Variants in HNF4A observed in about 807,000 individuals in gnomAD.
HNF4A encodes hepatocyte nuclear factor 4 alpha, also known as hepatocyte nuclear factor 4-alpha.
In HNF4A, 15 loss-of-function variants were observed where a neutral mutation model predicts 52.4. The ratio of observed to expected loss-of-function variants is 0.29; its 90% confidence interval spans 0.19 to 0.44. The LOEUF is 0.44. HNF4A is among the 20% of genes least tolerant of loss of function. The probability of loss-of-function intolerance (pLI) is 1.00; values close to 1 mark genes in which losing one functional copy is unlikely to be tolerated. For synonymous variants in HNF4A, 280 were observed against 264.4 expected, an observed-to-expected ratio of 1.06 and a Z score of -0.57; for missense variants, 479 against 647.2, an observed-to-expected ratio of 0.74 and a Z score of 2.82.
At chr20:44,372,468 C>T (rs1383131783) in intron 1 of HNF4A, among the ~76,000 whole-genome samples, 2 of 152,346 alleles carry the variant, frequency 1.3e-5, no homozygotes, top group Non-Finnish European at 2.9e-5. Flanking sequence ...GAACTCCAGG[C>T]ATGTCTTCTA....
Position 44,430,438 on chromosome 20 carries a change from C to T in HNF4A, c.*773C>T, listed in dbSNP as rs2063864876. On this transcript the variant is annotated 3_prime_UTR_variant, in exon 10 of 10. Transcript: ENST00000316099. ...AACAAACCCAGGTTGGCGACTGCAA[C>T]AGGAACTTGGAGTGGAGAGGAAAAG... is the stretch of plus-strand genomic sequence containing the variant. 1 of 152,458 alleles carries T rather than the reference C, an allele frequency of 6.6e-6. No homozygotes were observed. Among genetic ancestry groups the T allele is most frequent in the Non-Finnish European group, 1.5e-5 (1 of 68,164 alleles). The allele number at this position is 152,458 out of a possible 1,614,324, so 9.4% of individuals were successfully genotyped here. A position where few individuals can be genotyped will look rare whatever the true frequency, so the allele number is the denominator to read the frequency against.
At chr20:44,358,143 CA>C (rs1568684638) in intron 1 of HNF4A, among the ~76,000 whole-genome samples, 1 of 127,908 alleles carries the variant, frequency 7.8e-6, no homozygotes, top group African/African-American at 3.0e-5. Flanking sequence ...AAAAAAAAAA[CA>C]AAACAAAAAA....
intron 9 of HNF4A, among the ~76,000 whole-genome samples, chr20:44,428,871 CT>C (rs1428118793): frequency 4.6e-5 from 7 of 152,200 alleles, no homozygotes; most frequent in African/African-American, 1.7e-4. Context: ...AGGATGTCTG[CT>C]GGGCTAGACC....
At chr20:44,376,105 G>A (rs1370781979) in intron 1 of HNF4A, among the ~76,000 whole-genome samples, 7 of 151,558 alleles carry the variant, frequency 4.6e-5, no homozygotes, top group Non-Finnish European at 2.9e-5. Context: ...AAAATTAGCC[G>A]GGCATGGTAA....
At position 44,419,873 on chromosome 20, in the gene HNF4A, C is replaced by G; in HGVS notation, c.889C>G (p.Pro297Ala). The G allele has an allele frequency of 1.2e-6, 2 of 1,614,012 alleles. No homozygotes were observed. Among genetic ancestry groups the G allele is most frequent in the Non-Finnish European group, 1.7e-6 (2 of 1,179,912 alleles). The change falls in exon 7 of 10, where the codon CCA (proline) becomes GCA (alanine). Residue 297 changes from proline to alanine, a missense_variant. Coordinates refer to ENST00000316099, the MANE Select transcript of HNF4A (RefSeq NM_000457.6). Reference sequence around the variant, plus strand: ...CCTCAAAGCCATCATCTTCTTTGACCCAGGTACAGTGCACACCTCCTAAGC... The same window carrying G: ...CCTCAAAGCCATCATCTTCTTTGACGCAGGTACAGTGCACACCTCCTAAGC...
chr20:44,361,504 G>T (rs900595399), intron 1 of HNF4A, among the ~76,000 whole-genome samples: 1 of 152,054 alleles, frequency 6.6e-6, no homozygotes, highest in Admixed American at 6.6e-5. Flanking sequence ...AACACAGGAG[G>T]ATAAAACTTT....
chr20:44,406,592 T>G (rs891671769), intron 2 of HNF4A, among the ~76,000 whole-genome samples: 2 of 152,340 alleles, frequency 1.3e-5, no homozygotes, highest in African/African-American at 4.8e-5. Flanking sequence ...GTGCTGTTTT[T>G]GGGACAAATA....
intron 1 of HNF4A, among the ~76,000 whole-genome samples, chr20:44,356,872 C>T (rs1228910546): frequency 1.3e-5 from 2 of 152,098 alleles, no homozygotes; most frequent in Non-Finnish European, 2.9e-5. Context: ...CTCTGGAATC[C>T]AGCAGACCTC....
At chr20:44,378,515 AC>A (rs1211522673) in intron 1 of HNF4A, among the ~76,000 whole-genome samples, 1 of 151,906 alleles carries the variant, frequency 6.6e-6, no homozygotes, top group Non-Finnish European at 1.5e-5. Flanking sequence ...TGATCCATCC[AC>A]CTCAGCCTCC....
chr20:44,401,227 A>T, upstream of HNF4A: 3 of 1,529,868 alleles, frequency 2.0e-6, no homozygotes, highest in Non-Finnish European at 2.6e-6. Context: ...AGGCTAGGCC[A>T]AGACTCCCAG....
intron 8 of HNF4A, among the ~76,000 whole-genome samples, chr20:44,425,135 C>T (rs1484852798): frequency 6.6e-6 from 1 of 152,206 alleles, no homozygotes; most frequent in Non-Finnish European, 1.5e-5. Flanking sequence ...GCGCCCGCCA[C>T]CACGCCCTGC....
intron 1 of HNF4A, among the ~76,000 whole-genome samples, chr20:44,368,160 A>ATATATATATAT (rs1200638153): frequency 7.2e-5 from 2 of 27,780 alleles, no homozygotes; most frequent in African/African-American, 2.9e-4. Context: ...ATATATATAT[A>ATATATATATAT]TTTTTTTTTT....
At chr20:44,410,133 C>G (rs190463241) in intron 3 of HNF4A, among the ~76,000 whole-genome samples, 4 of 152,312 alleles carry the variant, frequency 2.6e-5, no homozygotes, top group Admixed American at 2.6e-4. Context: ...GCGCCCGGCC[C>G]CTGGCCCTTT....
At chr20:44,357,079 C>T (rs1052750130) in intron 1 of HNF4A, among the ~76,000 whole-genome samples, 4 of 152,072 alleles carry the variant, frequency 2.6e-5, no homozygotes, top group Non-Finnish European at 2.9e-5. Flanking sequence ...GGACAGAGGG[C>T]CAGGGAATGA....
intron 7 of HNF4A, among the ~76,000 whole-genome samples, chr20:44,421,033 A>G (rs1449254507): frequency 6.6e-6 from 1 of 152,138 alleles, no homozygotes; most frequent in East Asian, 1.9e-4. Flanking sequence ...TCCTCCTAGG[A>G]TGGCAGAGGA....
chr20:44,364,999 G>A (rs941751668), intron 1 of HNF4A, among the ~76,000 whole-genome samples: 3 of 152,172 alleles, frequency 2.0e-5, no homozygotes, highest in African/African-American at 7.2e-5. Flanking sequence ...GGTCCCTAGC[G>A]GGGCGGGACT....
intron 3 of HNF4A, among the ~76,000 whole-genome samples, chr20:44,408,617 C>T (rs896230573): frequency 6.6e-6 from 1 of 152,130 alleles, no homozygotes; most frequent in Non-Finnish European, 1.5e-5. Context: ...GTCCTAGCTA[C>T]TCGGAAGGCT....
intron 1 of HNF4A, among the ~76,000 whole-genome samples, chr20:44,380,899 C>A (rs1230492513): frequency 1.3e-5 from 2 of 152,180 alleles, no homozygotes; most frequent in African/African-American, 4.8e-5. Flanking sequence ...ACTTTTCCGT[C>A]AAACTCATTT....
At chr20:44,356,341 G>C (rs1293470705) in intron 1 of HNF4A, among the ~76,000 whole-genome samples, 1 of 152,166 alleles carries the variant, frequency 6.6e-6, no homozygotes, top group Non-Finnish European at 1.5e-5. Context: ...GCGCCGCGCA[G>C]GGTGGAGCGT....
Sources: gnomAD v4.1 joint callset for allele counts (sites outside exome capture counted in the v4.1 genomes callset) on GRCh38, gnomAD v4.1.1 for gene constraint, MANE v1.5 for transcripts, NCBI Gene and HGNC (gene_info 2026-07-23, HGNC 2026-07-21) for gene names.